NEXMIF: variants seen among roughly 807,000 people sequenced by gnomAD.
NEXMIF encodes the protein XLMR protein related to neurite extension.
NEXMIF carries 8 observed loss-of-function variants against 62.1 expected under a neutral mutation model. The observed-to-expected ratio is 0.13, with a 90% confidence interval of 0.08 to 0.23. NEXMIF has a LOEUF of 0.23. NEXMIF is among the 10% of genes least tolerant of loss of function. NEXMIF has a pLI of 1.00. For missense variants in NEXMIF, 976 were observed against 1,113.3 expected, an observed-to-expected ratio of 0.88 and a Z score of 1.75; for synonymous variants, 404 against 416.6, an observed-to-expected ratio of 0.97 and a Z score of 0.37.
chrX:74,837,932 C>G (rs1356277174), intron 1 of NEXMIF, among the ~76,000 whole-genome samples: 1 of 111,386 alleles, frequency 9.0e-6, no homozygotes, highest in Non-Finnish European at 1.9e-5. Context: ...TCTATAAATA[C>G]GTATGTTTCT....
rs1466067676 is a variant in NEXMIF at position 74,841,183 on chromosome X, A to G, written c.-48+83700T>C. Among the ~76,000 whole-genome samples, 28 of 110,057 alleles carry G rather than the reference A, an allele frequency of 2.5e-4. No individual in the cohort carries two copies. In the Admixed American group the frequency reaches 2.7e-3, roughly 11 times the overall value. The stretch of plus-strand genomic sequence containing the variant: ...CAGTGTTTTGTAATTCTCATTGTAG[A>G]GATATTTCACCTCCCTGGATAGCTG... On this transcript the variant is annotated intron_variant, in intron 1 of 3. Transcript: ENST00000055682.
At chrX:74,867,211 A>G (rs2080583279) in intron 1 of NEXMIF, among the ~76,000 whole-genome samples, 2 of 112,291 alleles carry the variant, frequency 1.8e-5, no homozygotes, top group Non-Finnish European at 3.8e-5. Context: ...TGCCCAAAGT[A>G]ATTTATAGAT....
intron 1 of NEXMIF, among the ~76,000 whole-genome samples, chrX:74,899,586 CAAAT>C (rs1264220088): frequency 2.7e-5 from 3 of 112,026 alleles, no homozygotes; most frequent in Non-Finnish European, 5.6e-5. Context: ...GAAGAAAACA[CAAAT>C]AAATAGGAAG....
chrX:74,896,203 T>C (rs1190451486), intron 1 of NEXMIF, among the ~76,000 whole-genome samples: 1 of 111,708 alleles, frequency 9.0e-6, no homozygotes, highest in Non-Finnish European at 1.9e-5. Flanking sequence ...AAGGATAGTG[T>C]CTGTTCCCAC....
chrX:74,772,000 AG>A (rs776307155), intron 1 of NEXMIF, among the ~76,000 whole-genome samples: 55 of 111,603 alleles, frequency 4.9e-4, no homozygotes, highest in African/African-American at 1.6e-3. Context: ...TGGTAATTCA[AG>A]GAGGGGGACA....
At chrX:74,838,358 G>C (rs1220074165) in intron 1 of NEXMIF, among the ~76,000 whole-genome samples, 1 of 111,914 alleles carries the variant, frequency 8.9e-6, no homozygotes, top group African/African-American at 3.2e-5. Flanking sequence ...GAAAAATTCT[G>C]ATATTACTAG....
chrX:74,794,272 C>T (rs2147466617), intron 1 of NEXMIF, among the ~76,000 whole-genome samples: 1 of 107,761 alleles, frequency 9.3e-6, no homozygotes, highest in East Asian at 3.0e-4. Context: ...GGGGGTGCCT[C>T]CCAGTTAGGC....
At position 74,888,140 on chromosome X, in the gene NEXMIF, G is replaced by T. The variant is rs183938244; in HGVS notation, c.-48+36743C>A. 1.8e-3 allele frequency among the ~76,000 whole-genome samples: 196 copies of T among 109,390 alleles called. 2 individuals carry two copies. Among genetic ancestry groups the T allele is most frequent in the Non-Finnish European group, 2.5e-3 (130 of 52,571 alleles). 95.0% of individuals were successfully genotyped at this position (109,390 alleles called of 115,157 possible). ...AACATCACACACCTGGGACTGTTGT[G>T]GGGTGGGGGCAGGGGGGAAGGATAG... On this transcript the variant is annotated intron_variant, in intron 1 of 3. Transcript: ENST00000055682.
chrX:74,755,958 C>T (rs2147447364), intron 1 of NEXMIF, among the ~76,000 whole-genome samples: 1 of 111,973 alleles, frequency 8.9e-6, no homozygotes, highest in African/African-American at 3.2e-5. Flanking sequence ...TCACTGCAAC[C>T]TCTGCCTCCT....
At chrX:74,844,033 C>G (rs1333774096) in intron 1 of NEXMIF, among the ~76,000 whole-genome samples, 1 of 111,915 alleles carries the variant, frequency 8.9e-6, no homozygotes, top group Non-Finnish European at 1.9e-5. Context: ...TTCTCCTTCA[C>G]TTAGGAAGCT....
intron 1 of NEXMIF, among the ~76,000 whole-genome samples, chrX:74,860,593 G>A (rs2080553681): frequency 1.8e-5 from 2 of 111,479 alleles, no homozygotes; most frequent in Non-Finnish European, 3.8e-5. Flanking sequence ...AAATAAATAA[G>A]AATAATTTTG....
intron 1 of NEXMIF, among the ~76,000 whole-genome samples, chrX:74,814,695 T>C (rs2080370542): frequency 8.9e-6 from 1 of 112,428 alleles, no homozygotes; most frequent in Non-Finnish European, 1.9e-5. Flanking sequence ...AAAATATAAT[T>C]GATGAAAACA....
intron 1 of NEXMIF, among the ~76,000 whole-genome samples, chrX:74,811,754 C>A (rs891868548): frequency 1.8e-5 from 2 of 112,545 alleles, no homozygotes; most frequent in African/African-American, 6.5e-5. Context: ...GGGAGGAAAC[C>A]AGTTGCATCA....
intron 1 of NEXMIF, among the ~76,000 whole-genome samples, chrX:74,793,381 C>A (rs1161435560): frequency 9.3e-6 from 1 of 107,668 alleles, no homozygotes; most frequent in African/African-American, 3.4e-5. Context: ...GAGGGTAACC[C>A]GACCTTTCTC....
intron 1 of NEXMIF, among the ~76,000 whole-genome samples, chrX:74,760,773 T>A (rs1489546295): frequency 1.8e-5 from 2 of 111,425 alleles, no homozygotes; most frequent in African/African-American, 6.5e-5. Context: ...TGATTGCTCC[T>A]GGATTCAGTT....
chrX:74,873,132 C>T (rs771272217), intron 1 of NEXMIF, among the ~76,000 whole-genome samples: 1 of 110,113 alleles, frequency 9.1e-6, no homozygotes, highest in African/African-American at 3.3e-5. Flanking sequence ...CAATGCTATC[C>T]CTCCCCCATC....
Position 74,805,219 on chromosome X carries a change from G to A in NEXMIF, c.-47-59522C>T, listed in dbSNP as rs755220028. 1.1e-3 allele frequency among the ~76,000 whole-genome samples: 126 copies of A among 111,846 alleles called. 1 individual carries two copies. The highest frequency in any genetic ancestry group is 3.9e-3 in the African/African-American group (120 of 30,794). ...AAACCATGTACTGTGAGTGCTCGCC[G>A]GATTTTTGGTTCTTATGAAGGTGCT... On this transcript the variant is annotated intron_variant, in intron 1 of 3. Coordinates refer to ENST00000055682, the MANE Select transcript of NEXMIF (RefSeq NM_001008537.3).
Position 74,739,512 on chromosome X carries a change from A to G in NEXMIF, c.4458-14T>C. ...TAGTCGGAATCCCTGCAGAAAAATCAAACAATTTATGCCATCTGAGTTAGT... is the reference window on the plus strand; with the variant it reads ...TAGTCGGAATCCCTGCAGAAAAATCGAACAATTTATGCCATCTGAGTTAGT... On this transcript the variant is annotated splice_polypyrimidine_tract_variant and intron_variant, in intron 3 of 3. Transcript: ENST00000055682. 1 of 1,124,294 alleles carries G rather than the reference A, an allele frequency of 8.9e-7. No individual in the cohort carries two copies. Among genetic ancestry groups the G allele is most frequent in the Non-Finnish European group, 1.2e-6 (1 of 823,504 alleles). 92.7% of individuals were successfully genotyped at this position (1,124,294 alleles called of 1,213,427 possible). A position where few individuals can be genotyped will look rare whatever the true frequency, so the allele number is the denominator to read the frequency against.
At chrX:74,787,075 A>G (rs2080262634) in intron 1 of NEXMIF, among the ~76,000 whole-genome samples, 1 of 97,978 alleles carries the variant, frequency 1.0e-5, no homozygotes, top group Non-Finnish European at 2.0e-5. Context: ...CCTGGCTAAC[A>G]TGGTGAAACC....
Sources: gnomAD v4.1 joint callset for allele counts (sites outside exome capture counted in the v4.1 genomes callset) on GRCh38, gnomAD v4.1.1 for gene constraint, MANE v1.5 for transcripts, NCBI Gene and HGNC (gene_info 2026-07-23, HGNC 2026-07-21) for gene names.